NXN: variants seen among roughly 807,000 people sequenced by gnomAD.
NXN encodes the protein nucleoredoxin 1.
In NXN, 16 loss-of-function variants were observed where a neutral mutation model predicts 48.6. The observed-to-expected ratio is 0.33, with a 90% CI of 0.22 to 0.50. The LOEUF is 0.50. Among genes scored for constraint, NXN ranks in the 20% least tolerant of loss-of-function variants. The pLI is 0.98. For synonymous variants in NXN, 281 were observed against 269.6 expected (o/e 1.04, Z -0.41); for missense variants, 492 against 605.5 (o/e 0.81, Z 1.97).
chr17:816,293 AT>A (rs1912468614), intron 5 of NXN, among the ~76,000 whole-genome samples: 2 of 152,104 alleles, frequency 1.3e-5, no homozygotes, highest in Non-Finnish European at 2.9e-5. Flanking sequence ...CAACCCATGT[AT>A]TTTTTTAAAG....
intron 1 of NXN, among the ~76,000 whole-genome samples, chr17:835,233 A>G (rs557483198): frequency 9.0e-4 from 136 of 150,918 alleles, no homozygotes; most frequent in South Asian, 3.6e-3. Flanking sequence ...GCGTGAACCC[A>G]GGAGGCGGAG....
chr17:844,943 G>C (rs1173327599), intron 1 of NXN, among the ~76,000 whole-genome samples: 1 of 152,032 alleles, frequency 6.6e-6, no homozygotes, highest in Non-Finnish European at 1.5e-5. Flanking sequence ...CCTACCCCCA[G>C]GAGACAGGGT....
At chr17:895,785 T>G (rs538167047) in intron 1 of NXN, among the ~76,000 whole-genome samples, 1 of 4,322 alleles carries the variant, frequency 2.3e-4, no homozygotes, top group Non-Finnish European at 4.5e-4. Flanking sequence ...ACCACTGCAC[T>G]CCAGCCTGGG....
At chr17:938,733 C>A (rs867877742) in intron 1 of NXN, among the ~76,000 whole-genome samples, 8 of 151,278 alleles carry the variant, frequency 5.3e-5, no homozygotes, top group African/African-American at 1.9e-4. Flanking sequence ...CAGGCAAAAT[C>A]AAAAGAAAAA....
chr17:856,010 T>C (rs1270925075), intron 1 of NXN, among the ~76,000 whole-genome samples: 1 of 152,020 alleles, frequency 6.6e-6, no homozygotes, highest in Non-Finnish European at 1.5e-5. Flanking sequence ...CTGGCCAACA[T>C]GGTGAAACCC....
chr17:853,723 A>ATATATATATATATATATTTTT (rs1491528474), intron 1 of NXN, among the ~76,000 whole-genome samples: 4 of 105,974 alleles, frequency 3.8e-5, no homozygotes, highest in African/African-American at 8.6e-5. Flanking sequence ...ATATATATAT[A>ATATATATATATATATATTTTT]TTTTTTTTTT....
At chr17:869,898 G>A (rs1031622920) in intron 1 of NXN, among the ~76,000 whole-genome samples, 1 of 152,200 alleles carries the variant, frequency 6.6e-6, no homozygotes, top group South Asian at 2.1e-4. Flanking sequence ...AAAAGGTGGC[G>A]TGCGAGAGCT....
chr17:815,983 A>C (rs1912449252), intron 5 of NXN, among the ~76,000 whole-genome samples: 1 of 152,172 alleles, frequency 6.6e-6, no homozygotes, highest in African/African-American at 2.4e-5. Flanking sequence ...CTGGTGTATA[A>C]GGGGAACAGG....
chr17:818,276 A>T (rs1444913136), intron 5 of NXN, among the ~76,000 whole-genome samples: 1 of 151,930 alleles, frequency 6.6e-6, no homozygotes, highest in Non-Finnish European at 1.5e-5. Flanking sequence ...TATATATATA[A>T]TTTCTGAAAA....
chr17:938,920 C>T (rs139339361), intron 1 of NXN, among the ~76,000 whole-genome samples: 2,662 of 151,784 alleles, frequency 0.018, 75 homozygotes, highest in African/African-American at 0.06. Flanking sequence ...GGTGTGGTGG[C>T]GGGCTCCTGT....
rs139057889 is a variant in NXN at position 807,261 on chromosome 17, T to TTC, written c.821-2016_821-2015dup. ...TCTCAAAATCCCCCCGGCAAGGTCCTTCCTCAGAGTAGGGTGTTTCTGAAA... is the reference window on the plus strand; with the variant it reads ...TCTCAAAATCCCCCCGGCAAGGTCCTTCTCCTCAGAGTAGGGTGTTTCTGAAA... On this transcript the variant is annotated intron_variant, in intron 5 of 7. Coordinates refer to ENST00000336868, the MANE Select transcript of NXN (RefSeq NM_022463.5). Among the ~76,000 whole-genome samples, 1,052 of 152,320 alleles carry TTC rather than the reference T, an allele frequency of 6.9e-3. 14 individuals carry two copies. Among genetic ancestry groups the TTC allele is most frequent in the African/African-American group, 0.023 (976 of 41,582 alleles).
chr17:808,998 C>T (rs1597613856), intron 5 of NXN, among the ~76,000 whole-genome samples: 1 of 152,154 alleles, frequency 6.6e-6, no homozygotes, highest in Non-Finnish European at 1.5e-5. Context: ...TTAATCACCC[C>T]TAAACTGATT....
chr17:877,308 G>A lies in NXN; in HGVS notation c.361-51230C>T, dbSNP rs574064525. On this transcript the variant is annotated intron_variant, in intron 1 of 7. Transcript: ENST00000336868. ...ACTACTGGCGCCCGCCACCAAGCCC[G>A]GCTAATTTTTTGTATTTTTAGTACA... Among the ~76,000 whole-genome samples the A allele has an allele frequency of 2.6e-5, 4 of 151,914 alleles. No homozygotes were observed. The South Asian group carries it at 6.2e-4, about 24-fold the overall frequency.
chr17:808,970 C>G (rs1911751133), intron 5 of NXN, among the ~76,000 whole-genome samples: 1 of 152,190 alleles, frequency 6.6e-6, no homozygotes, highest in African/African-American at 2.4e-5. Flanking sequence ...AGGCACCGCA[C>G]CCAGCCATTA....
At chr17:813,067 A>G (rs1282217615) in intron 5 of NXN, among the ~76,000 whole-genome samples, 1 of 152,224 alleles carries the variant, frequency 6.6e-6, no homozygotes, top group Admixed American at 6.5e-5. Context: ...GTGTTCACAC[A>G]CCTGGAACAC....
chr17:858,738 AAAG>A, intron 1 of NXN, among the ~76,000 whole-genome samples: 1 of 151,740 alleles, frequency 6.6e-6, no homozygotes, highest in African/African-American at 2.4e-5. Context: ...CAAAAAAAAA[AAAG>A]AAAGAAAGAA....
At position 863,996 on chromosome 17, in the gene NXN, G is replaced by C; in HGVS notation, c.361-37918C>G. 3 of 1,535,292 alleles carry C rather than the reference G, an allele frequency of 2.0e-6. No individual in the cohort carries two copies. In the African/African-American group the frequency reaches 4.1e-5, roughly 21 times the overall value. On this transcript the variant is annotated intron_variant, in intron 1 of 7. Coordinates refer to ENST00000336868, the MANE Select transcript of NXN (RefSeq NM_022463.5). ...AACACGTTAACCATTGCTCAGTTTC[G>C]GTGAAAGGACACAGTTACCGTTGCT...
At chr17:938,041 GC>G (rs1567509686) in intron 1 of NXN, among the ~76,000 whole-genome samples, 1 of 152,242 alleles carries the variant, frequency 6.6e-6, no homozygotes, top group Non-Finnish European at 1.5e-5. Flanking sequence ...AGGAATGGCT[GC>G]AGCTGGGACC....
chr17:886,855 A>G (rs2144853797), intron 1 of NXN, among the ~76,000 whole-genome samples: 1 of 152,168 alleles, frequency 6.6e-6, no homozygotes, highest in South Asian at 2.1e-4. Context: ...AAAAAGAGGA[A>G]GGCTTTGATC....
Sources: gnomAD v4.1 joint callset for allele counts (sites outside exome capture counted in the v4.1 genomes callset) on GRCh38, gnomAD v4.1.1 for gene constraint, MANE v1.5 for transcripts, NCBI Gene and HGNC (gene_info 2026-07-23, HGNC 2026-07-21) for gene names.